The following TNS3 variants were observed in gnomAD, a reference collection of about 807,000 sequenced individuals.
TNS3 encodes tensin-3.
Under a neutral mutation model 140.9 loss-of-function variants are expected in TNS3, and 45 were observed. That is an observed-to-expected ratio of 0.32 (90% CI 0.25 to 0.41). TNS3 has a LOEUF of 0.41. TNS3 is among the 10% of genes least tolerant of loss of function. The pLI is 1.00. For missense variants in TNS3, 1,716 were observed against 1,906.7 expected (o/e 0.90, Z 1.86); for synonymous variants, 815 against 788.4 (o/e 1.03, Z -0.56).
At chr7:47,468,039 A>C (rs999828637) in intron 4 of TNS3, among the ~76,000 whole-genome samples, 1 of 151,900 alleles carries the variant, frequency 6.6e-6, no homozygotes, top group African/African-American at 2.4e-5. Flanking sequence ...CTCCAACTGC[A>C]GACATTTAAA....
intron 1 of TNS3, among the ~76,000 whole-genome samples, chr7:47,538,490 AC>A (rs1422709366): frequency 6.6e-6 from 1 of 152,092 alleles, no homozygotes; most frequent in Non-Finnish European, 1.5e-5. Flanking sequence ...CTTCAGATCT[AC>A]AGCTCCACTT....
At chr7:47,350,255 G>C (rs1789586494) in intron 17 of TNS3, among the ~76,000 whole-genome samples, 1 of 152,180 alleles carries the variant, frequency 6.6e-6, no homozygotes, top group African/African-American at 2.4e-5. Flanking sequence ...TGAGGAAGGG[G>C]CACTCTTCCT....
chr7:47,416,950 A>G (rs1794113192), intron 10 of TNS3, among the ~76,000 whole-genome samples: 2 of 152,154 alleles, frequency 1.3e-5, no homozygotes, highest in African/African-American at 2.4e-5. Context: ...CAGCTTCCTC[A>G]GCTCGTCCAG....
At chr7:47,377,304 G>T (rs148445059) in intron 16 of TNS3, among the ~76,000 whole-genome samples, 86 of 152,358 alleles carry the variant, frequency 5.6e-4, no homozygotes, top group Middle Eastern at 3.4e-3. Context: ...TCTGCAGGCA[G>T]TCTCCTGGAG....
rs189957413 is a variant in TNS3, at chr7:47,560,990, G to T, written c.-265+21061C>A. 2.0e-5 allele frequency among the ~76,000 whole-genome samples: 3 copies of T among 152,338 alleles called. No homozygotes were observed. The East Asian group carries it at 5.8e-4, about 29-fold the overall frequency. On this transcript the variant is annotated intron_variant, in intron 1 of 30. Coordinates refer to ENST00000311160, the MANE Select transcript of TNS3 (RefSeq NM_022748.12). ...GACTGCTCACCCCAGGGATTTTCAG[G>T]TGTGACTTCATGAAAATATCACTGT...
intron 16 of TNS3, among the ~76,000 whole-genome samples, chr7:47,382,696 C>G (rs553186527): frequency 6.7e-6 from 1 of 150,262 alleles, no homozygotes; most frequent in African/African-American, 2.5e-5. Context: ...TGTGAGTATA[C>G]TAAATCTGTA....
chr7:47,365,359 C>A lies in TNS3; in HGVS notation c.2281+3006G>T, dbSNP rs531088520. On this transcript the variant is annotated intron_variant, in intron 17 of 30. Coordinates refer to ENST00000311160, the MANE Select transcript of TNS3 (RefSeq NM_022748.12). Reference sequence around the variant, plus strand: ...ACTCGGGAGGCTGAGCCAAGAGAATCATTTGAACCCAGGAGGCGGAGGTTG... The same window carrying A: ...ACTCGGGAGGCTGAGCCAAGAGAATAATTTGAACCCAGGAGGCGGAGGTTG... 7.9e-5 allele frequency among the ~76,000 whole-genome samples: 12 copies of A among 151,836 alleles called. No individual in the cohort carries two copies. In the South Asian group the frequency reaches 2.5e-3, roughly 32 times the overall value.
intron 9 of TNS3, among the ~76,000 whole-genome samples, chr7:47,426,014 T>C (rs978605837): frequency 6.6e-6 from 1 of 151,510 alleles, no homozygotes; most frequent in Non-Finnish European, 1.5e-5. Context: ...GGAAGCAACC[T>C]AAATTACAAA....
intron 1 of TNS3, among the ~76,000 whole-genome samples, chr7:47,530,858 T>TATATATATATATATATATATATATA (rs60516528): frequency 1.5e-5 from 2 of 131,652 alleles, no homozygotes; most frequent in African/African-American, 2.8e-5. Context: ...TATATATATA[T>TATATATATATATATATATATATATA]TTCTAGCACA....
chr7:47,435,969 G>A (rs972623532), intron 7 of TNS3, among the ~76,000 whole-genome samples: 2 of 152,182 alleles, frequency 1.3e-5, no homozygotes, highest in Non-Finnish European at 2.9e-5. Flanking sequence ...AGCTCTGAGC[G>A]TCCTGAGGCA....
chr7:47,531,421 C>T (rs1271949973), intron 1 of TNS3, among the ~76,000 whole-genome samples: 1 of 152,046 alleles, frequency 6.6e-6, no homozygotes, highest in African/African-American at 2.4e-5. Flanking sequence ...AAAATCATCA[C>T]CAGCTGACAC....
chr7:47,291,215 A>C (rs1392758938), intron 27 of TNS3, among the ~76,000 whole-genome samples: 1 of 152,164 alleles, frequency 6.6e-6, no homozygotes, highest in African/African-American at 2.4e-5. Flanking sequence ...GAGGATTTTT[A>C]GGGCAATAAA....
chr7:47,571,319 G>T (rs1405869378), intron 1 of TNS3, among the ~76,000 whole-genome samples: 1 of 152,196 alleles, frequency 6.6e-6, no homozygotes, highest in Non-Finnish European at 1.5e-5. Flanking sequence ...CCATCCCAGG[G>T]CCACAAAGAG....
At chr7:47,412,534 C>T (rs1388628527) in intron 12 of TNS3, among the ~76,000 whole-genome samples, 1 of 152,204 alleles carries the variant, frequency 6.6e-6, no homozygotes, top group East Asian at 1.9e-4. Context: ...AGGAGAATCG[C>T]TTGAACCTAG....
intron 1 of TNS3, among the ~76,000 whole-genome samples, chr7:47,534,353 C>A (rs1018492551): frequency 2.0e-5 from 3 of 151,874 alleles, no homozygotes; most frequent in Non-Finnish European, 2.9e-5. Context: ...CTGATACCTA[C>A]ACTACAAGCT....
At chr7:47,376,597 AT>A (rs906875876) in intron 16 of TNS3, among the ~76,000 whole-genome samples, 18 of 152,048 alleles carry the variant, frequency 1.2e-4, no homozygotes, top group East Asian at 3.9e-4. Flanking sequence ...AACATTAACG[AT>A]TTTTTTTACA....
chr7:47,313,657 T>C (rs774011054), intron 20 of TNS3, among the ~76,000 whole-genome samples: 14 of 152,156 alleles, frequency 9.2e-5, no homozygotes, highest in Non-Finnish European at 2.1e-4. Context: ...GTGCTTCACA[T>C]CCCTGTTTAC....
intron 4 of TNS3, among the ~76,000 whole-genome samples, chr7:47,458,107 C>A (rs1346794372): frequency 6.6e-6 from 1 of 151,570 alleles, no homozygotes; most frequent in Non-Finnish European, 1.5e-5. Context: ...TTACACTACA[C>A]AGAAACATGG....
chr7:47,453,036 C>A, intron 4 of TNS3: 1 of 985,556 alleles, frequency 1.0e-6, no homozygotes. Flanking sequence ...AAGCACACCC[C>A]TCTTCGTGTT....
Sources: gnomAD v4.1 joint callset for allele counts (sites outside exome capture counted in the v4.1 genomes callset) on GRCh38, gnomAD v4.1.1 for gene constraint, MANE v1.5 for transcripts, NCBI Gene and HGNC (gene_info 2026-07-23, HGNC 2026-07-21) for gene names.